The following ST6GAL1 variants were observed in gnomAD, a reference collection of about 807,000 sequenced individuals.
The protein encoded by ST6GAL1 is ST6 beta-galactoside alpha-2,6-sialyltransferase 1, also known as beta-galactoside alpha-2,6-sialyltransferase 1.
A neutral mutation model predicts 38.0 loss-of-function variants in ST6GAL1; 20 were observed. The ratio of observed to expected loss-of-function variants is 0.53; its 90% CI spans 0.37 to 0.77. ST6GAL1 has a LOEUF of 0.77. ST6GAL1 is among the 30% of genes least tolerant of loss of function. The pLI is 0.00. For missense variants in ST6GAL1, 432 were observed against 496.4 expected (o/e 0.87, Z 1.23); for synonymous variants, 196 against 188.2 (o/e 1.04, Z -0.34).
At chr3:186,954,813 G>A (rs1714695219) in intron 1 of ST6GAL1, among the ~76,000 whole-genome samples, 1 of 151,962 alleles carries the variant, frequency 6.6e-6, no homozygotes, top group Non-Finnish European at 1.5e-5. Context: ...TTCTTTTGTT[G>A]TGCAGAAGCT....
At chr3:187,006,846 C>A (rs1386362222) in intron 2 of ST6GAL1, among the ~76,000 whole-genome samples, 1 of 152,158 alleles carries the variant, frequency 6.6e-6, no homozygotes, top group Non-Finnish European at 1.5e-5. Context: ...GTTTTATTCT[C>A]AAGATTGCCA....
intron 2 of ST6GAL1, among the ~76,000 whole-genome samples, chr3:186,981,822 A>G (rs6444191): frequency 0.48 from 72,991 of 151,994 alleles, 18,319 homozygotes; most frequent in East Asian, 0.84. Flanking sequence ...CACTTTATAA[A>G]ACACTGCTTA....
chr3:186,939,921 TG>T (rs1278039450), intron 1 of ST6GAL1, among the ~76,000 whole-genome samples: 3 of 152,360 alleles, frequency 2.0e-5, no homozygotes, highest in Admixed American at 1.3e-4. Flanking sequence ...ACCCCATCTA[TG>T]GGAAGACAGG....
chr3:186,948,897 G>T (rs1714480308), intron 1 of ST6GAL1: 1 of 152,316 alleles, frequency 6.6e-6, no homozygotes, highest in Admixed American at 6.5e-5. Context: ...AGTCCTCATG[G>T]AATGAGCTCA....
chr3:187,075,290 C>T lies in ST6GAL1; in HGVS notation c.980-272C>T, dbSNP rs1719522104. On this transcript the variant is annotated intron_variant, in intron 7 of 7. Transcript: ENST00000169298. The surrounding 1 kb of genome is among the most constrained non-coding windows in gnomAD (Gnocchi z 4.1). ...TGGCTGATTGATGGAGTCATTTAAT[C>T]TACTAGCATTTAGGGAGGATCTATT... 6.6e-6 allele frequency among the ~76,000 whole-genome samples: 1 copy of T among 152,210 alleles called. No individual in the cohort carries two copies. The highest frequency in any genetic ancestry group is 1.5e-5 in the Non-Finnish European group (1 of 68,030).
intron 2 of ST6GAL1, among the ~76,000 whole-genome samples, chr3:187,011,159 C>T (rs777699525): frequency 4.6e-5 from 7 of 152,088 alleles, no homozygotes; most frequent in African/African-American, 9.7e-5. Flanking sequence ...CCACCATGCC[C>T]GGCAAATTTT....
intron 2 of ST6GAL1, among the ~76,000 whole-genome samples, chr3:186,966,833 TTCCCG>T (rs1715146191): frequency 6.6e-6 from 1 of 152,174 alleles, no homozygotes; most frequent in African/African-American, 2.4e-5. Flanking sequence ...TCAGAACTGT[TTCCCG>T]GGGAGCGCAC....
intron 1 of ST6GAL1, chr3:186,931,281 A>G (rs1032158265): frequency 6.9e-6 from 1 of 144,088 alleles, no homozygotes; most frequent in Non-Finnish European, 1.5e-5. Context: ...AGCTGGACGC[A>G]CTGCATACCC....
chr3:187,013,760 T>G (rs536995406), intron 2 of ST6GAL1, among the ~76,000 whole-genome samples: 10 of 152,248 alleles, frequency 6.6e-5, no homozygotes, highest in African/African-American at 2.4e-4. Flanking sequence ...AATTTTTGTA[T>G]TTTTAGTAGA....
chr3:187,057,816 G>T (rs1718763862), intron 5 of ST6GAL1, among the ~76,000 whole-genome samples: 1 of 152,170 alleles, frequency 6.6e-6, no homozygotes, highest in Non-Finnish European at 1.5e-5. Context: ...GAGAACCACT[G>T]CTCTCTTCAG....
chr3:186,965,662 G>A (rs1715084866), intron 2 of ST6GAL1, among the ~76,000 whole-genome samples: 1 of 152,232 alleles, frequency 6.6e-6, no homozygotes, highest in Non-Finnish European at 1.5e-5. Context: ...GAGGAAGGGA[G>A]CTCAGGTGGA....
At chr3:186,964,532 C>G (rs1579276432) in intron 2 of ST6GAL1, among the ~76,000 whole-genome samples, 1 of 152,094 alleles carries the variant, frequency 6.6e-6, no homozygotes, top group South Asian at 2.1e-4. Context: ...AGGTGGTATT[C>G]TATTAAGGTT....
chr3:187,017,974 T>C (rs1717172480), intron 2 of ST6GAL1, among the ~76,000 whole-genome samples: 1 of 152,206 alleles, frequency 6.6e-6, no homozygotes, highest in African/African-American at 2.4e-5. Context: ...CGTTCCTGTT[T>C]TGTTGCCATT....
chr3:187,033,018 G>T (rs868848205), intron 2 of ST6GAL1, among the ~76,000 whole-genome samples: 2 of 152,214 alleles, frequency 1.3e-5, no homozygotes, highest in Middle Eastern at 3.2e-3. Context: ...CTTGCAGCCA[G>T]GTTAATATTG....
chr3:186,953,165 T>G (rs1321725200), intron 1 of ST6GAL1, among the ~76,000 whole-genome samples: 5 of 152,170 alleles, frequency 3.3e-5, no homozygotes, highest in Non-Finnish European at 7.3e-5. Context: ...AGTGATCATT[T>G]TAAAAGCTGT....
At chr3:186,977,441 A>G (rs993224174) in intron 2 of ST6GAL1, among the ~76,000 whole-genome samples, 2 of 152,202 alleles carry the variant, frequency 1.3e-5, no homozygotes, top group Admixed American at 6.5e-5. Flanking sequence ...AGTTTGCGGA[A>G]GAAGGCCTGT....
At chr3:187,033,387 C>G (rs1025484053) in intron 2 of ST6GAL1, among the ~76,000 whole-genome samples, 1 of 42,114 alleles carries the variant, frequency 2.4e-5, no homozygotes, top group Non-Finnish European at 3.7e-5. Flanking sequence ...CTGCCTGGGC[C>G]GACAGAGAGA....
At chr3:186,977,106 C>T (rs1715544631) in intron 2 of ST6GAL1, among the ~76,000 whole-genome samples, 1 of 152,164 alleles carries the variant, frequency 6.6e-6, no homozygotes, top group Non-Finnish European at 1.5e-5. Context: ...AAATTCATGA[C>T]CCGATTTGCT....
At chr3:187,027,065 TAAATAAA>T (rs1210533352) in intron 2 of ST6GAL1, among the ~76,000 whole-genome samples, 9 of 149,162 alleles carry the variant, frequency 6.0e-5, no homozygotes, top group Admixed American at 1.3e-4. Flanking sequence ...AATAAATAAA[TAAATAAA>T]AAATAAAAAA....
Sources: allele counts gnomAD v4.1 joint callset (sites outside exome capture counted in the v4.1 genomes callset), GRCh38; gene constraint gnomAD v4.1.1; non-coding constraint Gnocchi (gnomAD v3.1); transcripts MANE v1.5; gene names NCBI Gene and HGNC (gene_info 2026-07-23, HGNC 2026-07-21).